The following PTPRR variants were observed in gnomAD, a reference collection of about 807,000 sequenced individuals.
PTPRR encodes receptor-type tyrosine-protein phosphatase R.
PTPRR carries 38 observed loss-of-function variants against 77.2 expected under a neutral mutation model. The observed-to-expected ratio is 0.49, with a 90% CI of 0.38 to 0.65. The LOEUF is 0.65. Ranked by LOEUF, PTPRR falls within the 30% of genes least tolerant of loss-of-function variation. The probability of loss-of-function intolerance (pLI) is 0.00; values close to 1 mark genes in which losing one functional copy is unlikely to be tolerated. For missense variants in PTPRR, 744 were observed against 799.2 expected (o/e 0.93, Z 0.83); for synonymous variants, 299 against 283.1 (o/e 1.06, Z -0.57).
chr12:70,832,581 A>G (rs890653095), intron 2 of PTPRR, among the ~76,000 whole-genome samples: 11 of 152,070 alleles, frequency 7.2e-5, no homozygotes, highest in African/African-American at 2.7e-4. Flanking sequence ...ACATGGTTAG[A>G]TTTACATTTA....
chr12:70,694,089 G>T (rs1888146295), intron 8 of PTPRR, among the ~76,000 whole-genome samples: 2 of 151,914 alleles, frequency 1.3e-5, no homozygotes, highest in African/African-American at 4.8e-5. Context: ...TTTTTGTTGG[G>T]GTAGGAAATC....
intron 2 of PTPRR, among the ~76,000 whole-genome samples, chr12:70,892,013 A>G (rs569186689): frequency 1.3e-3 from 192 of 152,232 alleles, no homozygotes; most frequent in African/African-American, 4.4e-3. Flanking sequence ...CAACCTCAGT[A>G]TGTATTTAAA....
At chr12:70,708,476 C>T (rs138091346) in intron 6 of PTPRR, among the ~76,000 whole-genome samples, 1 of 152,146 alleles carries the variant, frequency 6.6e-6, no homozygotes, top group East Asian at 1.9e-4. Flanking sequence ...TGAGCATTAA[C>T]ATCCTAAAGT....
chr12:70,820,458 C>T (rs1271255211), intron 2 of PTPRR, among the ~76,000 whole-genome samples: 1 of 152,168 alleles, frequency 6.6e-6, no homozygotes, highest in African/African-American at 2.4e-5. Context: ...CTCAGCCTCC[C>T]GAGTACTTGG....
intron 2 of PTPRR, among the ~76,000 whole-genome samples, chr12:70,852,629 T>C (rs958289047): frequency 3.3e-5 from 5 of 152,220 alleles, no homozygotes; most frequent in Non-Finnish European, 2.9e-5. Flanking sequence ...ACCAGATGGA[T>C]TGTGAGAATT....
intron 2 of PTPRR, among the ~76,000 whole-genome samples, chr12:70,805,879 A>G (rs577526516): frequency 6.6e-6 from 1 of 152,298 alleles, no homozygotes; most frequent in African/African-American, 2.4e-5. Flanking sequence ...GGCTATATAC[A>G]CATATATAGT....
intron 1 of PTPRR, among the ~76,000 whole-genome samples, chr12:70,895,960 C>A (rs948434502): frequency 6.6e-6 from 1 of 151,634 alleles, no homozygotes; most frequent in Non-Finnish European, 1.5e-5. Flanking sequence ...CAATACCTGA[C>A]CCTGGACTCA....
chr12:70,639,571 T>G (rs539233287), intron 13 of PTPRR: 2 of 1,064,214 alleles, frequency 1.9e-6, no homozygotes, highest in African/African-American at 3.3e-5. Flanking sequence ...GTACTTGGAT[T>G]TGGCATCAGC....
At position 70,901,604 on chromosome 12, in the gene PTPRR, C is replaced by T. The variant is rs143442002; in HGVS notation, c.59-8627G>A. ...CTCATCTCTCACTTTATACAAAAAT[C>T]AACTCAAGATGGATTAAGGACTTAG... On this transcript the variant is annotated intron_variant, in intron 1 of 13. Coordinates refer to ENST00000283228, the MANE Select transcript of PTPRR (RefSeq NM_002849.4). 1.2e-3 allele frequency among the ~76,000 whole-genome samples: 183 copies of T among 151,718 alleles called. 1 individual carries two copies. Among genetic ancestry groups the T allele is most frequent in the African/African-American group, 4.2e-3 (176 of 41,458 alleles).
At chr12:70,868,007 C>T (rs1470474511) in intron 2 of PTPRR, among the ~76,000 whole-genome samples, 2 of 152,100 alleles carry the variant, frequency 1.3e-5, no homozygotes, top group Admixed American at 6.6e-5. Context: ...AAACTCGATC[C>T]CTTCCTTACA....
chr12:70,668,450 A>G (rs1280368896), intron 10 of PTPRR, among the ~76,000 whole-genome samples: 1 of 152,224 alleles, frequency 6.6e-6, no homozygotes, highest in Non-Finnish European at 1.5e-5. Context: ...GTTCTTCAGA[A>G]GATCCAACAG....
chr12:70,672,900 C>G (rs1041818005), intron 10 of PTPRR: 2 of 1,544,994 alleles, frequency 1.3e-6, no homozygotes, highest in African/African-American at 1.4e-5. Context: ...ATGGGGGCAT[C>G]TGCTCCCACT....
chr12:70,743,000 T>G (rs1452632723), intron 6 of PTPRR, among the ~76,000 whole-genome samples: 1 of 152,178 alleles, frequency 6.6e-6, no homozygotes, highest in Non-Finnish European at 1.5e-5. Flanking sequence ...AGTTCAGAGC[T>G]GAAATATGGG....
At chr12:70,837,555 G>A (rs898738152) in intron 2 of PTPRR, among the ~76,000 whole-genome samples, 2 of 152,028 alleles carry the variant, frequency 1.3e-5, no homozygotes, top group Non-Finnish European at 2.9e-5. Flanking sequence ...ATGTTTACTT[G>A]TTTATTATAA....
rs1176858025 is a variant in PTPRR, at chr12:70,880,838, C to T, written c.357+11841G>A. On this transcript the variant is annotated intron_variant, in intron 2 of 13. Coordinates refer to ENST00000283228, the MANE Select transcript of PTPRR (RefSeq NM_002849.4). ...GTCTCCATGACTTATTTATGCTCCT[C>T]ACCAGAATGTATTGTTTCCTTTAAC... Among the ~76,000 whole-genome samples, 8 of 152,270 alleles carry T rather than the reference C, an allele frequency of 5.3e-5. No individual in the cohort carries two copies. The East Asian group carries it at 1.5e-3, about 29-fold the overall frequency.
In PTPRR at chr12:70,733,035, C is replaced by T. The variant is rs572919498; in HGVS notation, c.1007+12783G>A. On this transcript the variant is annotated intron_variant, in intron 6 of 13. Transcript: ENST00000283228. ...GGGAAATCAAAGCCGAGAGGGAAAA[C>T]GCAGGAAATGAAAAGTAAGGCAGGT... Among the ~76,000 whole-genome samples, 8 of 151,776 alleles carry T rather than the reference C, an allele frequency of 5.3e-5. No homozygotes were observed. In the East Asian group the frequency reaches 5.8e-4, roughly 11 times the overall value.
At chr12:70,901,289 G>A (rs1174871292) in intron 1 of PTPRR, among the ~76,000 whole-genome samples, 1 of 151,486 alleles carries the variant, frequency 6.6e-6, no homozygotes, top group East Asian at 1.9e-4. Context: ...AATTGTCAAA[G>A]AGATGCCTGC....
At chr12:70,658,240 T>C (rs1886655315) in intron 12 of PTPRR, among the ~76,000 whole-genome samples, 1 of 152,216 alleles carries the variant, frequency 6.6e-6, no homozygotes, top group African/African-American at 2.4e-5. Flanking sequence ...CTCCCTCCTT[T>C]TAAAACCACA....
At chr12:70,705,047 T>C (rs1269044949) in intron 6 of PTPRR, among the ~76,000 whole-genome samples, 1 of 151,850 alleles carries the variant, frequency 6.6e-6, no homozygotes, top group African/African-American at 2.4e-5. Context: ...ATGCAAACAA[T>C]TGAAGGAAAA....
Sources: gnomAD v4.1 joint callset for allele counts (sites outside exome capture counted in the v4.1 genomes callset) on GRCh38, gnomAD v4.1.1 for gene constraint, MANE v1.5 for transcripts, NCBI Gene and HGNC (gene_info 2026-07-23, HGNC 2026-07-21) for gene names.